Variants in TRIM24 observed in about 807,000 individuals in gnomAD.
The protein encoded by TRIM24 is transcription intermediary factor 1-alpha.
A neutral mutation model predicts 123.9 loss-of-function variants in TRIM24; 29 were observed. That is an observed-to-expected ratio of 0.23 (90% confidence interval 0.17 to 0.32). The LOEUF is 0.32. Ranked by LOEUF, TRIM24 falls within the 10% of genes least tolerant of loss-of-function variation. The probability of loss-of-function intolerance (pLI) is 1.00; values close to 1 mark genes in which losing one functional copy is unlikely to be tolerated. For missense variants in TRIM24, 932 were observed against 1,295.3 expected (o/e 0.72, Z 4.31); for synonymous variants, 456 against 461.1 (o/e 0.99, Z 0.14).
chr7:138,534,071 A>G (rs1050172094), intron 6 of TRIM24, among the ~76,000 whole-genome samples: 1 of 151,666 alleles, frequency 6.6e-6, no homozygotes. Flanking sequence ...ATCCCCTTTA[A>G]CATTTTTTAT....
intron 1 of TRIM24, chr7:138,461,194 A>G: frequency 1.5e-6 from 1 of 682,732 alleles, no homozygotes; most frequent in South Asian, 1.4e-5. Context: ...TGCCACTCGC[A>G]CTTTTGCAGA....
At chr7:138,510,403 T>G (rs1351516455) in intron 2 of TRIM24, among the ~76,000 whole-genome samples, 5 of 151,792 alleles carry the variant, frequency 3.3e-5, no homozygotes, top group Admixed American at 6.6e-5. Flanking sequence ...GTGTGTGTGG[T>G]TTTTTTTGTT....
At chr7:138,557,978 T>C (rs970612162) in intron 9 of TRIM24, among the ~76,000 whole-genome samples, 5 of 152,212 alleles carry the variant, frequency 3.3e-5, no homozygotes, top group Admixed American at 6.5e-5. Flanking sequence ...TTCTAATTCC[T>C]ATGGTTATGC....
chr7:138,585,992 A>C lies in TRIM24; in HGVS notation c.*1041A>C, dbSNP rs549509038. 2.2e-6 allele frequency: 1 copy of C among 463,430 alleles called. No individual in the cohort carries two copies. The highest frequency in any genetic ancestry group is 1.6e-5 in the South Asian group (1 of 63,142). The allele number at this position is 463,430 out of a possible 1,614,324, so 28.7% of individuals were successfully genotyped here. On this transcript the variant is annotated 3_prime_UTR_variant, in exon 19 of 19. Coordinates refer to ENST00000343526, the MANE Select transcript of TRIM24 (RefSeq NM_015905.3). The stretch of plus-strand genomic sequence containing the variant: ...TGGGAGCAGGCAGCTGGGGGGAATT[A>C]ATAGTGATTTTTTTTTTTTCCTGAA...
intron 1 of TRIM24, among the ~76,000 whole-genome samples, chr7:138,479,872 T>A (rs918281368): frequency 6.6e-6 from 1 of 151,586 alleles, no homozygotes; most frequent in Non-Finnish European, 1.5e-5. Flanking sequence ...CAGACTGGAG[T>A]GCAATGGTGC....
At chr7:138,486,275 A>G (rs1241006669) in intron 1 of TRIM24, among the ~76,000 whole-genome samples, 1 of 152,048 alleles carries the variant, frequency 6.6e-6, no homozygotes, top group Admixed American at 6.6e-5. Context: ...ATTTTTTCCC[A>G]TTCTGTAGGT....
At chr7:138,538,889 T>C in intron 7 of TRIM24, 86 bp downstream of exon 7, 1 of 1,242,502 alleles carries the variant, frequency 8.0e-7, no homozygotes, top group Non-Finnish European at 1.1e-6. Context: ...TTATTCTGCT[T>C]GTGCATCAGT....
intron 1 of TRIM24, among the ~76,000 whole-genome samples, chr7:138,502,993 A>C (rs1364308256): frequency 6.6e-6 from 1 of 151,914 alleles, no homozygotes; most frequent in Non-Finnish European, 1.5e-5. Context: ...TATAGTTGTT[A>C]ATCTACTTAA....
At position 138,585,064 on chromosome 7, in the gene TRIM24, T is replaced by C; in HGVS notation, c.*113T>C. 1 of 891,344 alleles carries C rather than the reference T, an allele frequency of 1.1e-6. No individual in the cohort carries two copies. Among genetic ancestry groups the C allele is most frequent in the Non-Finnish European group, 1.7e-6 (1 of 605,916 alleles). 55.2% of individuals were successfully genotyped at this position (891,344 alleles called of 1,614,324 possible). On this transcript the variant is annotated 3_prime_UTR_variant, in exon 19 of 19. Coordinates refer to ENST00000343526, the MANE Select transcript of TRIM24 (RefSeq NM_015905.3). Reference sequence around the variant, plus strand: ...AAGAGTTTGTGACTATTCTCATCTCTGTTTTGGACGTTTACTAGACTTTGA... The same window carrying C: ...AAGAGTTTGTGACTATTCTCATCTCCGTTTTGGACGTTTACTAGACTTTGA...
rs1327591887 is a variant in TRIM24, at chr7:138,589,541, A to G, written c.*4590A>G. ...AGTCCATAAATAGCTGTAATAGGAAAACAGTTTTTTAAAATTCTAACACGT... is the reference window on the plus strand; with the variant it reads ...AGTCCATAAATAGCTGTAATAGGAAGACAGTTTTTTAAAATTCTAACACGT... On this transcript the variant is annotated 3_prime_UTR_variant, in exon 19 of 19. Coordinates refer to ENST00000343526, the MANE Select transcript of TRIM24 (RefSeq NM_015905.3). The G allele has an allele frequency of 6.6e-6, 1 of 152,204 alleles. No homozygotes were observed. The highest frequency in any genetic ancestry group is 1.5e-5 in the Non-Finnish European group (1 of 68,036). 9.4% of individuals were successfully genotyped at this position (152,204 alleles called of 1,614,324 possible). A position where few individuals can be genotyped will look rare whatever the true frequency, so the allele number is the denominator to read the frequency against.
intron 2 of TRIM24, among the ~76,000 whole-genome samples, chr7:138,511,420 C>A (rs1796285723): frequency 6.6e-6 from 1 of 151,974 alleles, no homozygotes; most frequent in Non-Finnish European, 1.5e-5. Context: ...CCTGCCTCAG[C>A]CTCCCGAGCA....
rs1040161245 is a variant in TRIM24 at position 138,543,999 on chromosome 7, A to AT, written c.1143+5207dup. Among the ~76,000 whole-genome samples, 437 of 147,336 alleles carry AT rather than the reference A, an allele frequency of 3.0e-3. 2 individuals carry two copies. Among genetic ancestry groups the AT allele is most frequent in the African/African-American group, 8.7e-3 (350 of 40,336 alleles). On this transcript the variant is annotated intron_variant, in intron 7 of 18. Transcript: ENST00000343526. ...ACAGGTGCATGCCACCATAGTCCAG[A>AT]TTTTTTTTTTTGTAGAGACAAGGTC... is the stretch of plus-strand genomic sequence containing the variant.
intron 1 of TRIM24, among the ~76,000 whole-genome samples, chr7:138,493,371 CCTT>C (rs1447834501): frequency 6.6e-6 from 1 of 152,154 alleles, no homozygotes; most frequent in African/African-American, 2.4e-5. Flanking sequence ...AACAGATTCT[CCTT>C]CTACTCAGGG....
At chr7:138,498,632 T>C (rs781169485) in intron 1 of TRIM24, among the ~76,000 whole-genome samples, 1 of 152,098 alleles carries the variant, frequency 6.6e-6, no homozygotes, top group Non-Finnish European at 1.5e-5. Flanking sequence ...TCTGCTCACA[T>C]TGTTTTTTCT....
chr7:138,527,798 G>T (rs572731486), intron 5 of TRIM24, among the ~76,000 whole-genome samples: 69 of 152,314 alleles, frequency 4.5e-4, no homozygotes, highest in Non-Finnish European at 1.5e-4. Flanking sequence ...CAGGAGACTG[G>T]AGAGACCAGT....
chr7:138,522,719 TAAG>T (rs1277329937), intron 4 of TRIM24, among the ~76,000 whole-genome samples: 1 of 152,124 alleles, frequency 6.6e-6, no homozygotes, highest in Admixed American at 6.6e-5. Flanking sequence ...ACTGAATTAT[TAAG>T]GGGTTGAAGG....
intron 1 of TRIM24, among the ~76,000 whole-genome samples, chr7:138,475,958 A>C (rs1584686989): frequency 6.6e-6 from 1 of 152,200 alleles, no homozygotes; most frequent in East Asian, 1.9e-4. Context: ...GAAATCATTA[A>C]AGAGGTAGGA....
At chr7:138,523,799 A>G (rs1796555306) in intron 4 of TRIM24, among the ~76,000 whole-genome samples, 1 of 151,188 alleles carries the variant, frequency 6.6e-6, no homozygotes, top group African/African-American at 2.4e-5. Flanking sequence ...ACTTGTCTGG[A>G]GAATGGCAAA....
chr7:138,540,521 G>C (rs1004293740), intron 7 of TRIM24, among the ~76,000 whole-genome samples: 3 of 152,166 alleles, frequency 2.0e-5, no homozygotes, highest in Non-Finnish European at 4.4e-5. Context: ...ATCCATTCAA[G>C]TTTGATCATA....
Sources: allele counts gnomAD v4.1 joint callset (sites outside exome capture counted in the v4.1 genomes callset), GRCh38; gene constraint gnomAD v4.1.1; transcripts MANE v1.5; gene names NCBI Gene and HGNC (gene_info 2026-07-23, HGNC 2026-07-21).